The following CNTN1 variants were observed in gnomAD, a reference collection of about 807,000 sequenced individuals.
CNTN1 encodes contactin-1.
CNTN1 carries 38 observed loss-of-function variants against 126.4 expected under a neutral mutation model. The ratio of observed to expected loss-of-function variants is 0.30; its 90% CI spans 0.23 to 0.39. CNTN1 has a LOEUF of 0.39. CNTN1 is among the 10% of genes least tolerant of loss of function. CNTN1 has a pLI of 1.00. For synonymous variants in CNTN1, 413 were observed against 422.6 expected (o/e 0.98, Z 0.28); for missense variants, 1,009 against 1,248.4 (o/e 0.81, Z 2.89).
intron 17 of CNTN1, among the ~76,000 whole-genome samples, chr12:41,000,428 T>C (rs980290660): frequency 8.5e-5 from 13 of 152,100 alleles, no homozygotes; most frequent in African/African-American, 3.1e-4. Context: ...GTTATAGGGG[T>C]AAAAGAGTTC....
At chr12:41,051,145 C>CTT (rs58479316) in intron 23 of CNTN1, among the ~76,000 whole-genome samples, 93 of 120,392 alleles carry the variant, frequency 7.7e-4, no homozygotes, top group African/African-American at 1.1e-3. Context: ...GCTTTGTGAT[C>CTT]TTTTTTTTTT....
At chr12:40,804,769 A>G (rs1337895115) in intron 1 of CNTN1, among the ~76,000 whole-genome samples, 2 of 152,016 alleles carry the variant, frequency 1.3e-5, no homozygotes, top group African/African-American at 4.8e-5. Context: ...ATTTCTCTCC[A>G]GCATCACATT....
chr12:40,868,925 T>C (rs1943396047), intron 1 of CNTN1, among the ~76,000 whole-genome samples: 1 of 152,250 alleles, frequency 6.6e-6, no homozygotes, highest in Middle Eastern at 3.4e-3. Context: ...TTCTCAGTTT[T>C]GCTTGAGTTA....
chr12:40,841,992 ATTT>A (rs71839244), intron 1 of CNTN1, among the ~76,000 whole-genome samples: 23,276 of 151,826 alleles, frequency 0.15, 1,790 homozygotes, highest in Middle Eastern at 0.21. Context: ...ATTTATACAA[ATTT>A]TTTTTAAAAA....
intron 9 of CNTN1, 115 bp from the exon 10 acceptor site, chr12:40,936,666 C>T (rs917742667): frequency 1.4e-5 from 19 of 1,313,036 alleles, no homozygotes; most frequent in Non-Finnish European, 1.9e-5. Flanking sequence ...AGGATGCATA[C>T]ACTATCTGAT....
At chr12:40,895,830 T>C (rs1375146859) in intron 1 of CNTN1, 1 of 149,806 alleles carries the variant, frequency 6.7e-6, no homozygotes, top group Non-Finnish European at 1.5e-5. Flanking sequence ...CGATCTTGGC[T>C]CACTGCAAGC....
intron 23 of CNTN1, among the ~76,000 whole-genome samples, chr12:41,041,185 G>T (rs1292395957): frequency 6.6e-6 from 1 of 151,964 alleles, no homozygotes; most frequent in Non-Finnish European, 1.5e-5. Context: ...TGTGGTTTTT[G>T]TCTTTGGTTC....
chr12:40,930,667 A>G (rs943925856), intron 7 of CNTN1, among the ~76,000 whole-genome samples: 1 of 151,948 alleles, frequency 6.6e-6, no homozygotes, highest in Non-Finnish European at 1.5e-5. Context: ...CTTCTGCTAC[A>G]TTAATATCAG....
At chr12:40,721,695 T>A (rs1592011245) in intron 1 of CNTN1, among the ~76,000 whole-genome samples, 1 of 83,992 alleles carries the variant, frequency 1.2e-5, no homozygotes, top group Non-Finnish European at 2.4e-5. Flanking sequence ...ATGCTATCCC[T>A]CCCCCCTCCC....
chr12:40,798,004 G>C (rs1262017966), intron 1 of CNTN1, among the ~76,000 whole-genome samples: 1 of 151,900 alleles, frequency 6.6e-6, no homozygotes, highest in African/African-American at 2.4e-5. Context: ...TACATAAGTG[G>C]GTTAATGAGT....
intron 1 of CNTN1, among the ~76,000 whole-genome samples, chr12:40,821,666 A>G (rs902918483): frequency 2.0e-5 from 3 of 152,194 alleles, no homozygotes; most frequent in Non-Finnish European, 2.9e-5. Context: ...TTAATGTTAC[A>G]TAAACCATGT....
chr12:41,057,300 C>T lies in CNTN1; in HGVS notation c.2981-12659C>T, dbSNP rs142807512. On this transcript the variant is annotated intron_variant, in intron 23 of 23. Transcript: ENST00000551295. ...TCCTCTAAAGAAAGAGCCATGTATT[C>T]CTGGTCCAAGATTATATTCTAAACA... Among the ~76,000 whole-genome samples, 461 of 149,224 alleles carry T rather than the reference C, an allele frequency of 3.1e-3. 6 individuals are homozygous for T. Among genetic ancestry groups the T allele is most frequent in the African/African-American group, 0.011 (439 of 40,878 alleles).
intron 1 of CNTN1, among the ~76,000 whole-genome samples, chr12:40,747,719 G>A (rs577074792): frequency 2.6e-5 from 4 of 152,180 alleles, no homozygotes; most frequent in South Asian, 2.1e-4. Flanking sequence ...AATAACACAC[G>A]GAGTGGTAAG....
intron 1 of CNTN1, among the ~76,000 whole-genome samples, chr12:40,767,723 T>C (rs1382028274): frequency 6.6e-6 from 1 of 152,110 alleles, no homozygotes; most frequent in African/African-American, 2.4e-5. Context: ...AAGCTCCACC[T>C]CCCGGGTCTA....
intron 23 of CNTN1, among the ~76,000 whole-genome samples, chr12:41,034,259 C>T (rs1191585671): frequency 6.6e-6 from 1 of 151,970 alleles, no homozygotes; most frequent in East Asian, 1.9e-4. Flanking sequence ...TATATTTAAC[C>T]TAATATTTTT....
chr12:40,936,667 A>G (rs1297606953), intron 9 of CNTN1, 114 bp from the exon 10 acceptor site: 9 of 1,325,492 alleles, frequency 6.8e-6, no homozygotes, highest in East Asian at 2.4e-5. Context: ...GGATGCATAC[A>G]CTATCTGATG....
At chr12:40,793,469 A>G (rs1364459731) in intron 1 of CNTN1, among the ~76,000 whole-genome samples, 5 of 151,958 alleles carry the variant, frequency 3.3e-5, no homozygotes, top group African/African-American at 9.7e-5. Context: ...TGTGGGGAAA[A>G]AAAAAAAAAA....
At chr12:40,704,060 T>G (rs1340970397) in intron 1 of CNTN1, among the ~76,000 whole-genome samples, 1 of 151,946 alleles carries the variant, frequency 6.6e-6, no homozygotes, top group Non-Finnish European at 1.5e-5. Context: ...AATAAAGAAA[T>G]ATGGTATAGT....
intron 1 of CNTN1, among the ~76,000 whole-genome samples, chr12:40,738,829 G>C (rs951682593): frequency 6.6e-6 from 1 of 152,038 alleles, no homozygotes; most frequent in South Asian, 2.1e-4. Flanking sequence ...GCATAGCAGT[G>C]GAGAGTTGTA....
Sources: gnomAD v4.1 joint callset for allele counts (sites outside exome capture counted in the v4.1 genomes callset) on GRCh38, gnomAD v4.1.1 for gene constraint, MANE v1.5 for transcripts, NCBI Gene and HGNC (gene_info 2026-07-23, HGNC 2026-07-21) for gene names.